Variants in HNF4A observed in about 807,000 individuals in gnomAD.
The protein encoded by HNF4A is hepatocyte nuclear factor 4 alpha.
HNF4A carries 15 observed loss-of-function variants against 52.4 expected under a neutral mutation model. The observed-to-expected ratio is 0.29, with a 90% CI of 0.19 to 0.44. The LOEUF (loss-of-function observed/expected upper bound fraction) is 0.44. HNF4A is among the 20% of genes least tolerant of loss of function. HNF4A has a pLI of 1.00. For synonymous variants in HNF4A, 280 were observed against 264.4 expected, an observed-to-expected ratio of 1.06 and a Z score of -0.57; for missense variants, 479 against 647.2, an observed-to-expected ratio of 0.74 and a Z score of 2.82.
At chr20:44,418,317 G>T (rs1214486840) in intron 5 of HNF4A, 108 bp from the exon 6 acceptor site, 4 of 841,792 alleles carry the variant, frequency 4.8e-6, no homozygotes, top group African/African-American at 1.7e-5. Context: ...GTTCAGGCAG[G>T]TAGAGGCAGA....
chr20:44,409,853 T>G (rs2063556061), intron 3 of HNF4A, among the ~76,000 whole-genome samples: 1 of 151,564 alleles, frequency 6.6e-6, no homozygotes, highest in Admixed American at 6.6e-5. Flanking sequence ...TTTTTTTTTT[T>G]TTAGATGGAA....
At chr20:44,413,591 G>A (rs1600722424) in intron 3 of HNF4A, 103 bp from the exon 4 acceptor site, 8 of 798,488 alleles carry the variant, frequency 1.0e-5, no homozygotes, top group Middle Eastern at 2.2e-4. Flanking sequence ...CCTGTTCTCT[G>A]GACACCCCCC....
rs185376561 is a variant in HNF4A, at chr20:44,395,282, C to T, written c.50-10776C>T. Reference sequence around the variant, plus strand: ...CTGTGGCCAGCTGCCACTCCCCTGACGGCCTCAGTGTTTCCGTCCACTAAA... The same window carrying T: ...CTGTGGCCAGCTGCCACTCCCCTGATGGCCTCAGTGTTTCCGTCCACTAAA... On this transcript the variant is annotated intron_variant, in intron 1 of 9. Coordinates refer to the HNF4A transcript ENST00000316673. Among the ~76,000 whole-genome samples the T allele has an allele frequency of 2.3e-3, 349 of 152,392 alleles. 1 individual carries two copies. Among genetic ancestry groups the T allele is most frequent in the Non-Finnish European group, 3.9e-3 (267 of 68,044 alleles).
chr20:44,368,478 T>TTTTA (rs1387510153), intron 1 of HNF4A, among the ~76,000 whole-genome samples: 4 of 151,488 alleles, frequency 2.6e-5, no homozygotes, highest in Non-Finnish European at 5.9e-5. Flanking sequence ...GGAAGATGGG[T>TTTTA]TTTATTTGAA....
At chr20:44,355,997 T>G (rs1882540716) in intron 1 of HNF4A, 144 bp downstream of exon 1, 1 of 703,524 alleles carries the variant, frequency 1.4e-6, no homozygotes, top group Admixed American at 2.9e-5. Flanking sequence ...ACGGAGGCAA[T>G]GTGACCGCTT....
At chr20:44,365,812 G>C (rs914843783) in intron 1 of HNF4A, among the ~76,000 whole-genome samples, 2 of 152,104 alleles carry the variant, frequency 1.3e-5, no homozygotes, top group African/African-American at 4.8e-5. Flanking sequence ...TTCAAGACCA[G>C]CCTGGGCAAT....
chr20:44,381,951 T>G (rs2063159548), intron 1 of HNF4A, among the ~76,000 whole-genome samples: 1 of 152,242 alleles, frequency 6.6e-6, no homozygotes, highest in South Asian at 2.1e-4. Context: ...AACTATATGC[T>G]GGGCAGCTAC....
chr20:44,429,614 G>A lies in HNF4A; in HGVS notation c.1374G>A (p.Lys458=), dbSNP rs1431822837. Residue 458 remains lysine (K), a synonymous_variant, in exon 10 of 10, where the codon AAG becomes AAA. Coordinates refer to ENST00000316099, the MANE Select transcript of HNF4A (RefSeq NM_000457.6). ...CGGGAGCCGTCGCCACAATCGTCAA[G>A]CCCCTCTCTGCCATCCCCCAGCCGA... is the stretch of plus-strand genomic sequence containing the variant. 1.2e-6 allele frequency: 2 copies of A among 1,613,996 alleles called. No homozygotes were observed. Among genetic ancestry groups the A allele is most frequent in the Non-Finnish European group, 1.7e-6 (2 of 1,179,996 alleles).
chr20:44,373,616 C>T (rs1301226881), intron 1 of HNF4A, among the ~76,000 whole-genome samples: 3 of 152,092 alleles, frequency 2.0e-5, no homozygotes, highest in African/African-American at 4.8e-5. Flanking sequence ...AACCCCTAAA[C>T]GTGGGGTCCA....
intron 1 of HNF4A, among the ~76,000 whole-genome samples, chr20:44,383,781 T>C (rs746775361): frequency 2.2e-4 from 34 of 152,240 alleles, no homozygotes; most frequent in Middle Eastern, 6.8e-3. Flanking sequence ...CTTGAACTCC[T>C]GACCTCAAGT....
chr20:44,387,140 T>C (rs1249460609), intron 1 of HNF4A, among the ~76,000 whole-genome samples: 2 of 151,768 alleles, frequency 1.3e-5, no homozygotes, highest in Non-Finnish European at 2.9e-5. Context: ...CCGTCTCTAC[T>C]AAAAATTAAA....
chr20:44,379,018 T>G (rs2063120324), intron 1 of HNF4A, among the ~76,000 whole-genome samples: 1 of 152,152 alleles, frequency 6.6e-6, no homozygotes. Context: ...TGAATTTGAC[T>G]ACTTTCCTGT....
At chr20:44,376,011 T>C (rs1425626836) in intron 1 of HNF4A, among the ~76,000 whole-genome samples, 3 of 150,904 alleles carry the variant, frequency 2.0e-5, no homozygotes, top group African/African-American at 7.3e-5. Flanking sequence ...CTTTGGGAGG[T>C]TGAGGCAGGC....
intron 1 of HNF4A, chr20:44,389,975 A>C (rs2063282094): frequency 6.6e-6 from 1 of 152,266 alleles, no homozygotes; most frequent in African/African-American, 2.4e-5. Context: ...AAAAGGTGAG[A>C]AGGAGACTCA....
In HNF4A at chr20:44,410,547, T is replaced by C. The variant is rs112727397; in HGVS notation, c.385+3072T>C. On this transcript the variant is annotated intron_variant, in intron 3 of 9. Coordinates refer to ENST00000316099, the MANE Select transcript of HNF4A (RefSeq NM_000457.6). ...AGCCAAAAGAAAGTCTCGGTGGAAG[T>C]CTCACTGGCCAGGAGAGTTGGGACA... is the stretch of plus-strand genomic sequence containing the variant. Among the ~76,000 whole-genome samples, 5 of 151,038 alleles carry C rather than the reference T, an allele frequency of 3.3e-5. 1 individual carries two copies. The highest frequency in any genetic ancestry group is 1.2e-4 in the African/African-American group (5 of 41,114).
chr20:44,419,818 G>C lies in HNF4A; in HGVS notation c.834G>C (p.Glu278Asp), dbSNP rs193922477. The C allele has an allele frequency of 5.6e-5, 90 of 1,614,026 alleles. No individual in the cohort carries two copies. The highest frequency in any genetic ancestry group is 7.4e-5 in the Non-Finnish European group (87 of 1,180,016). The change falls in exon 7 of 10, where the codon GAG becomes GAC. Residue 278 changes from glutamate to aspartate, a missense_variant. Glu to Asp is a conservative substitution (Grantham distance 45). This residue lies in a region of HNF4A where 389 missense variants were observed against 525.1 expected (regional missense o/e 0.74). Coordinates refer to ENST00000316099, the MANE Select transcript of HNF4A (RefSeq NM_000457.6). ...ACGAGCTGGTGCTGCCCTTCCAGGA[G>C]CTGCAGATCGATGACAATGAGTATG...
chr20:44,409,891 G>A (rs976346559), intron 3 of HNF4A, among the ~76,000 whole-genome samples: 3 of 150,884 alleles, frequency 2.0e-5, no homozygotes, highest in African/African-American at 7.3e-5. Context: ...AGGCTGGAGT[G>A]CAATGGCAGT....
At chr20:44,361,065 C>G (rs530541856) in intron 1 of HNF4A, among the ~76,000 whole-genome samples, 344 of 152,250 alleles carry the variant, frequency 2.3e-3, no homozygotes, top group African/African-American at 7.9e-3. Context: ...TGTTCCCACC[C>G]TTCATTCTTA....
Position 44,424,000 on chromosome 20 carries a change from C to A in HNF4A, c.893-18C>A. ...CTGGACCCTGCTGCCCTCCCTTGCC[C>A]ACCCTCTTCCATTGTAGATGCCAAG... On this transcript the variant is annotated intron_variant, in intron 7 of 9. Transcript: ENST00000316099. The A allele has an allele frequency of 6.2e-7, 1 of 1,611,954 alleles. No homozygotes were observed. Among genetic ancestry groups the A allele is most frequent in the South Asian group, 1.1e-5 (1 of 90,720 alleles).
Sources: gnomAD v4.1 joint callset for allele counts (sites outside exome capture counted in the v4.1 genomes callset) on GRCh38, gnomAD v4.1.1 for gene constraint, gnomAD v4.1.1 regional missense constraint, MANE v1.5 for transcripts, NCBI Gene and HGNC (gene_info 2026-07-23, HGNC 2026-07-21) for gene names.